Variants in ITGA6 observed in about 807,000 individuals in gnomAD.
ITGA6 encodes integrin alpha-6.
In ITGA6, 63 loss-of-function variants were observed where a neutral mutation model predicts 133.6. That is an observed-to-expected ratio of 0.47 (90% CI 0.38 to 0.58). The LOEUF is 0.58. Among genes scored for constraint, ITGA6 ranks in the 20% least tolerant of loss-of-function variants. The pLI is 0.00. For synonymous variants in ITGA6, 434 were observed against 482.0 expected (o/e 0.90, Z 1.30); for missense variants, 1,068 against 1,309.4 (o/e 0.82, Z 2.85).
intron 1 of ITGA6, among the ~76,000 whole-genome samples, chr2:172,433,912 A>C (rs545964369): frequency 1.3e-5 from 2 of 152,222 alleles, no homozygotes; most frequent in African/African-American, 4.8e-5. Context: ...CGGGGCAGTG[A>C]CTGTGAGCTG....
chr2:172,450,257 T>C (rs1179583241), intron 1 of ITGA6, among the ~76,000 whole-genome samples: 8 of 152,106 alleles, frequency 5.3e-5, no homozygotes, highest in East Asian at 1.9e-4. Context: ...TGATATGACC[T>C]GAGATGTGCA....
intron 11 of ITGA6, among the ~76,000 whole-genome samples, chr2:172,481,665 G>C (rs1228711982): frequency 6.6e-6 from 1 of 152,126 alleles, no homozygotes; most frequent in African/African-American, 2.4e-5. Context: ...CCTGCTGTGT[G>C]GTCTCTCCAT....
chr2:172,453,751 A>G (rs1685100182), intron 1 of ITGA6, among the ~76,000 whole-genome samples: 1 of 152,172 alleles, frequency 6.6e-6, no homozygotes, highest in South Asian at 2.1e-4. Flanking sequence ...GGTTTCTCAA[A>G]GTTTTAAGTC....
intron 11 of ITGA6, among the ~76,000 whole-genome samples, chr2:172,481,896 T>C (rs1299481987): frequency 2.0e-5 from 3 of 152,242 alleles, no homozygotes; most frequent in Admixed American, 1.3e-4. Flanking sequence ...TTTACCCAAA[T>C]GCCATACCTT....
chr2:172,475,522 A>G, intron 7 of ITGA6, 75 bp from the exon 8 acceptor site: 1 of 882,932 alleles, frequency 1.1e-6, no homozygotes, highest in Non-Finnish European at 1.9e-6. Flanking sequence ...TGCTTGTGTC[A>G]TCTTACTTTA....
rs149079259 is a variant in ITGA6 at position 172,502,137 on chromosome 2, C to G, written c.*22+236C>G. Among the ~76,000 whole-genome samples, 1,015 of 152,156 alleles carry G rather than the reference C, an allele frequency of 6.7e-3. 6 individuals carry two copies. Among genetic ancestry groups the G allele is most frequent in the Non-Finnish European group, 0.01 (687 of 68,000 alleles). ...GTTATTTTATGTTCTTGTTAAATAT[C>G]TACCACAGCAATGAAGAAAATTTGC... On this transcript the variant is annotated intron_variant, in intron 25 of 25. Coordinates refer to ENST00000684293, the MANE Select transcript of ITGA6 (RefSeq NM_000210.4).
In ITGA6 at chr2:172,470,783, A is replaced by G. The variant is rs1685891907; in HGVS notation, c.644-191A>G. Reference sequence around the variant, plus strand: ...TGGGACAGTTTTTAATGACTCAAACAAATTTCTTTCCCATAAAAATTTACA... The same window carrying G: ...TGGGACAGTTTTTAATGACTCAAACGAATTTCTTTCCCATAAAAATTTACA... On this transcript the variant is annotated intron_variant, in intron 4 of 25. Coordinates refer to ENST00000684293, the MANE Select transcript of ITGA6 (RefSeq NM_000210.4). Among the ~76,000 whole-genome samples, 3 of 152,364 alleles carry G rather than the reference A, an allele frequency of 2.0e-5. No individual in the cohort carries two copies. In the South Asian group the frequency reaches 6.2e-4, roughly 32 times the overall value.
chr2:172,452,474 C>G (rs1685047873), intron 1 of ITGA6, among the ~76,000 whole-genome samples: 1 of 152,092 alleles, frequency 6.6e-6, no homozygotes, highest in South Asian at 2.1e-4. Context: ...TGGGCACGTG[C>G]TTTTTGGAGA....
At position 172,491,803 on chromosome 2, in the gene ITGA6, T is replaced by C. The variant is rs1686940862; in HGVS notation, c.2988+280T>C. Among the ~76,000 whole-genome samples, 2 of 152,206 alleles carry C rather than the reference T, an allele frequency of 1.3e-5. No individual in the cohort carries two copies. The highest frequency in any genetic ancestry group is 2.4e-5 in the African/African-American group (1 of 41,446). On this transcript the variant is annotated intron_variant, in intron 23 of 25. Transcript: ENST00000684293. The surrounding 1 kb of genome is among the most constrained non-coding windows in gnomAD (Gnocchi z 4.4). ...TGCACCTCACAGCCCTCTAGAAACC[T>C]GTGTCTTCTACCATCTCTAATGCTG...
chr2:172,484,140 A>C (rs923965823), intron 11 of ITGA6, among the ~76,000 whole-genome samples: 1 of 152,216 alleles, frequency 6.6e-6, no homozygotes, highest in Non-Finnish European at 1.5e-5. Context: ...TAAAGGTCTC[A>C]TCCTACTGTC....
chr2:172,428,834 T>C (rs79121204), intron 1 of ITGA6, among the ~76,000 whole-genome samples: 7,401 of 152,292 alleles, frequency 0.049, 271 homozygotes, highest in East Asian at 0.2. Flanking sequence ...GGCCTCTCCT[T>C]TTATTTCTTA....
At chr2:172,472,775 C>A in intron 5 of ITGA6, 1 of 1,600,210 alleles carries the variant, frequency 6.2e-7, no homozygotes, top group African/African-American at 1.3e-5. Context: ...TGCGTACAGG[C>A]CTGCTGTTTT....
intron 1 of ITGA6, among the ~76,000 whole-genome samples, chr2:172,462,443 ATC>A (rs1472748024): frequency 9.2e-5 from 14 of 151,972 alleles, no homozygotes; most frequent in Non-Finnish European, 1.6e-4. Flanking sequence ...CTCTTTTCGA[ATC>A]TGTTGTCCTT....
At chr2:172,471,784 C>T (rs1202026793) in intron 5 of ITGA6, among the ~76,000 whole-genome samples, 1 of 151,056 alleles carries the variant, frequency 6.6e-6, no homozygotes, top group Non-Finnish European at 1.5e-5. Context: ...GGTAATTACA[C>T]AAAGGCTTTT....
In ITGA6 at chr2:172,474,921, G is replaced by A; in HGVS notation, c.987-8G>A. The A allele has an allele frequency of 6.9e-7, 1 of 1,453,338 alleles. No individual in the cohort carries two copies. Among genetic ancestry groups the A allele is most frequent in the Non-Finnish European group, 9.7e-7 (1 of 1,033,530 alleles). 90.0% of individuals were successfully genotyped at this position (1,453,338 alleles called of 1,614,324 possible). ...GTTCACGGCTCTTTCCCCTCATTAT[G>A]TTTTTAGGTGGCAAGATATAGTTAT... On this transcript the variant is annotated splice_polypyrimidine_tract_variant and splice_region_variant and intron_variant, in intron 6 of 25. Coordinates refer to ENST00000684293, the MANE Select transcript of ITGA6 (RefSeq NM_000210.4).
intron 13 of ITGA6, among the ~76,000 whole-genome samples, chr2:172,486,195 A>AAAAAC (rs1295573243): frequency 9.2e-4 from 138 of 150,096 alleles, no homozygotes; most frequent in East Asian, 5.1e-3. Flanking sequence ...AAAAAAAAAA[A>AAAAAC]AACAACTAAT....
At chr2:172,446,011 T>C (rs546207846) in intron 1 of ITGA6, among the ~76,000 whole-genome samples, 2 of 152,360 alleles carry the variant, frequency 1.3e-5, no homozygotes, top group East Asian at 3.9e-4. Context: ...GTAGTAGTTA[T>C]TCAGGGTGGC....
intron 24 of ITGA6, among the ~76,000 whole-genome samples, chr2:172,498,491 A>G (rs1307865246): frequency 1.3e-5 from 2 of 152,224 alleles, no homozygotes; most frequent in Admixed American, 1.3e-4. Flanking sequence ...TCTGTGAAGA[A>G]TGTTCATAGC....
intron 1 of ITGA6, among the ~76,000 whole-genome samples, chr2:172,441,495 A>T (rs1470537312): frequency 7.2e-6 from 1 of 138,150 alleles, no homozygotes; most frequent in Non-Finnish European, 1.5e-5. Context: ...ACTCAAGGTG[A>T]GAGTGAGCTA....
Sources: allele counts gnomAD v4.1 joint callset (sites outside exome capture counted in the v4.1 genomes callset), GRCh38; gene constraint gnomAD v4.1.1; non-coding constraint Gnocchi (gnomAD v3.1); transcripts MANE v1.5; gene names NCBI Gene and HGNC (gene_info 2026-07-23, HGNC 2026-07-21).